ATAD2B: variants seen among roughly 807,000 people sequenced by gnomAD.
ATAD2B encodes ATPase family AAA domain containing 2B.
ATAD2B carries 40 observed loss-of-function variants against 167.6 expected under a neutral mutation model. The ratio of observed to expected loss-of-function variants is 0.24; its 90% CI spans 0.19 to 0.31. The LOEUF (loss-of-function observed/expected upper bound fraction) is 0.31, where lower values mean the gene tolerates loss of function less well. Ranked by LOEUF, ATAD2B falls within the 10% of genes least tolerant of loss-of-function variation. ATAD2B has a pLI of 1.00. For synonymous variants in ATAD2B, 579 were observed against 596.5 expected, an observed-to-expected ratio of 0.97 and a Z score of 0.43; for missense variants, 1,242 against 1,757.2, an observed-to-expected ratio of 0.71 and a Z score of 5.24.
intron 1 of ATAD2B, among the ~76,000 whole-genome samples, chr2:23,913,758 G>A (rs1037155900): frequency 1.3e-5 from 2 of 151,922 alleles, no homozygotes; most frequent in African/African-American, 4.8e-5. Flanking sequence ...TAACAAAAAG[G>A]AGAAACTTGT....
chr2:23,695,099 C>T, the ATAD2B span, among the ~76,000 whole-genome samples: 6 of 152,162 alleles, frequency 3.9e-5, no homozygotes, highest in Admixed American at 2.6e-4. The surrounding 1 kb of genome is among the most constrained non-coding windows in gnomAD (Gnocchi z 7.6). Context: ...AGTTTGAGGC[C>T]GTGGGACATG....
chr2:23,871,491 C>T (rs2150110929), intron 8 of ATAD2B, among the ~76,000 whole-genome samples: 1 of 152,288 alleles, frequency 6.6e-6, no homozygotes, highest in African/African-American at 2.4e-5. Flanking sequence ...TTCTGTCAAG[C>T]CTCACAGGAA....
intron 8 of ATAD2B, among the ~76,000 whole-genome samples, chr2:23,874,925 G>A (rs1477144212): frequency 6.6e-6 from 1 of 151,482 alleles, no homozygotes; most frequent in Non-Finnish European, 1.5e-5. Flanking sequence ...GTGTGGTGGC[G>A]AATGCCTGTA....
chr2:23,692,748 T>G, the ATAD2B span, among the ~76,000 whole-genome samples: 1 of 151,946 alleles, frequency 6.6e-6, no homozygotes. Flanking sequence ...ACCTAGCCAC[T>G]AAGCCCAGGA....
chr2:23,788,653 C>CAT lies in ATAD2B; in HGVS notation c.2641-8_2641-7dup. 6.4e-7 allele frequency: 1 copy of CAT among 1,565,786 alleles called. No homozygotes were observed. Among genetic ancestry groups the CAT allele is most frequent in the South Asian group, 1.1e-5 (1 of 88,676 alleles). Reference sequence around the variant, plus strand: ...ATTCTAAAGATACATTTAACCTACACATATACACACACACAAAGACATTAA... The same window carrying CAT: ...ATTCTAAAGATACATTTAACCTACACATATATACACACACACAAAGACATTAA... On this transcript the variant is annotated splice_polypyrimidine_tract_variant and splice_region_variant and intron_variant, in intron 19 of 27. Coordinates refer to ENST00000238789, the MANE Select transcript of ATAD2B (RefSeq NM_017552.4).
At chr2:23,830,508 C>A (rs954889523) in intron 14 of ATAD2B, among the ~76,000 whole-genome samples, 1 of 152,138 alleles carries the variant, frequency 6.6e-6, no homozygotes, top group Non-Finnish European at 1.5e-5. Flanking sequence ...ACCTTACTGG[C>A]TTGATGAGGA....
chr2:23,706,576 C>T, the ATAD2B span: 85 of 1,537,244 alleles, frequency 5.5e-5, 1 homozygote, highest in East Asian at 1.8e-3. Context: ...GAGCCCACAA[C>T]CAACACATGG....
At chr2:23,806,499 T>A (rs1684409668) in intron 18 of ATAD2B, among the ~76,000 whole-genome samples, 1 of 152,206 alleles carries the variant, frequency 6.6e-6, no homozygotes, top group South Asian at 2.1e-4. Context: ...ACAATTTTGG[T>A]AGGGCGCCCT....
At chr2:23,709,235 T>C in the ATAD2B span, among the ~76,000 whole-genome samples, 9 of 151,820 alleles carry the variant, frequency 5.9e-5, no homozygotes, top group African/African-American at 2.2e-4. Context: ...GAGACGGTGG[T>C]TTTTCCATGT....
chr2:23,780,267 TTGTGTGTG>T (rs67788174), intron 22 of ATAD2B, among the ~76,000 whole-genome samples: 8,059 of 144,032 alleles, frequency 0.056, 245 homozygotes, highest in African/African-American at 0.092. Flanking sequence ...AAGTATATAC[TTGTGTGTG>T]TGTGTGTGTG....
downstream of ATAD2B, among the ~76,000 whole-genome samples, chr2:23,747,459 C>G (rs1189968096): frequency 1.3e-5 from 2 of 151,820 alleles, no homozygotes; most frequent in African/African-American, 4.8e-5. Context: ...AAAACAAGAA[C>G]AAACTTTGGT....
At chr2:23,869,557 A>C in intron 9 of ATAD2B, 106 bp downstream of exon 9, 1 of 763,920 alleles carries the variant, frequency 1.3e-6, no homozygotes, top group Non-Finnish European at 2.2e-6. Context: ...GTCTTAATCT[A>C]GTCTAAAATA....
chr2:23,828,483 C>T (rs1688572704), intron 15 of ATAD2B, among the ~76,000 whole-genome samples: 1 of 152,156 alleles, frequency 6.6e-6, no homozygotes, highest in Non-Finnish European at 1.5e-5. Context: ...AAGTAAAAGG[C>T]TGCAGTCCTG....
At chr2:23,737,001 G>A in the ATAD2B span, among the ~76,000 whole-genome samples, 124 of 152,314 alleles carry the variant, frequency 8.1e-4, no homozygotes, top group African/African-American at 2.2e-3. Context: ...GGGGAGGGGC[G>A]CCTGCATTGC....
chr2:23,752,167 AT>A (rs748675401), intron 27 of ATAD2B, 80 bp from the exon 28 acceptor site: 32 of 1,013,386 alleles, frequency 3.2e-5, no homozygotes, highest in Non-Finnish European at 4.5e-5. Flanking sequence ...TTCACTTTAA[AT>A]TTTTAGGGAA....
At chr2:23,807,490 G>C (rs531615137) in intron 18 of ATAD2B, among the ~76,000 whole-genome samples, 4 of 152,230 alleles carry the variant, frequency 2.6e-5, no homozygotes, top group South Asian at 2.1e-4. Context: ...TCTCAAGGTA[G>C]AGATTTTAGT....
intron 1 of ATAD2B, among the ~76,000 whole-genome samples, chr2:23,897,857 C>G (rs1700331812): frequency 6.6e-6 from 1 of 152,200 alleles, no homozygotes; most frequent in African/African-American, 2.4e-5. Flanking sequence ...AAACCAAAAG[C>G]TGGGCACTAC....
chr2:23,858,807 T>A (rs551445091), intron 12 of ATAD2B, among the ~76,000 whole-genome samples: 1 of 152,150 alleles, frequency 6.6e-6, no homozygotes, highest in Non-Finnish European at 1.5e-5. Flanking sequence ...TCAACAGCTA[T>A]ATGATGTCCC....
At chr2:23,896,756 C>T (rs1410542767) in intron 1 of ATAD2B, among the ~76,000 whole-genome samples, 1 of 152,148 alleles carries the variant, frequency 6.6e-6, no homozygotes, top group East Asian at 1.9e-4. Context: ...TAAACAGAAA[C>T]ACATATTGCA....
Sources: allele counts gnomAD v4.1 joint callset (sites outside exome capture counted in the v4.1 genomes callset), GRCh38; gene constraint gnomAD v4.1.1; non-coding constraint Gnocchi (gnomAD v3.1); transcripts MANE v1.5; gene names NCBI Gene and HGNC (gene_info 2026-07-23, HGNC 2026-07-21).